Variants in EIF4G3 observed in about 807,000 individuals in gnomAD.
EIF4G3 encodes the protein eIF-4-gamma 3.
A neutral mutation model predicts 186.4 loss-of-function variants in EIF4G3; 34 were observed. That is an observed-to-expected ratio of 0.18 (90% CI 0.14 to 0.24). EIF4G3 has a LOEUF of 0.24. EIF4G3 is among the 10% of genes least tolerant of loss of function. EIF4G3 has a pLI of 1.00. For missense variants in EIF4G3, 1,536 were observed against 1,948.5 expected (o/e 0.79, Z 3.99); for synonymous variants, 673 against 679.5 (o/e 0.99, Z 0.15).
At position 20,862,245 on chromosome 1, in the gene EIF4G3, C is replaced by T. The variant is rs767619921; in HGVS notation, c.3094G>A (p.Val1032Ile). The change falls in exon 23 of 37, where the codon GTT becomes ATT. Residue 1032 changes from valine to isoleucine, a missense_variant. Physicochemically the swap from Val to Ile is conservative, Grantham distance 29. Transcript: ENST00000602326. ...SSRIRFMLQD[V>I]IDLRLCNWVS... Reference sequence around the variant, plus strand: ...CCACTCACCAGCCTTAGGTCTATAACATCTTGAAGCATGAACCGAATCCTA... The same window carrying T: ...CCACTCACCAGCCTTAGGTCTATAATATCTTGAAGCATGAACCGAATCCTA... 7.5e-6 allele frequency: 12 copies of T among 1,603,310 alleles called. No homozygotes were observed. Among genetic ancestry groups the T allele is most frequent in the Non-Finnish European group, 1.0e-5 (12 of 1,173,590 alleles).
At chr1:21,138,233 G>A (rs2097280502) in intron 2 of EIF4G3, among the ~76,000 whole-genome samples, 1 of 152,152 alleles carries the variant, frequency 6.6e-6, no homozygotes, top group African/African-American at 2.4e-5. Flanking sequence ...TAAATGACCT[G>A]TCCATCCATA....
rs571859924 is a variant in EIF4G3, at chr1:21,050,588, T to C, written c.-67+278A>G. On this transcript the variant is annotated intron_variant, in intron 4 of 36. Transcript: ENST00000602326. ...GCAAATCAGTGCTTTGTGGGGGGGT[T>C]TTCCAGTAAACTTTAGAATAAAACT... is the stretch of plus-strand genomic sequence containing the variant. Among the ~76,000 whole-genome samples the C allele has an allele frequency of 1.3e-4, 20 of 152,252 alleles. No homozygotes were observed. The South Asian group carries it at 4.1e-3, about 32-fold the overall frequency.
At chr1:20,872,753 C>T (rs1273954619) in intron 20 of EIF4G3, among the ~76,000 whole-genome samples, 10 of 131,898 alleles carry the variant, frequency 7.6e-5, no homozygotes, top group Non-Finnish European at 3.1e-5. Flanking sequence ...GAGCCTCACT[C>T]TGTCGGCCAG....
chr1:21,015,117 GA>G, intron 4 of EIF4G3, among the ~76,000 whole-genome samples: 1 of 151,512 alleles, frequency 6.6e-6, no homozygotes, highest in Non-Finnish European at 1.5e-5. Flanking sequence ...TTCTGGAGCT[GA>G]AAAAATAACT....
In EIF4G3 at chr1:21,008,094, T is replaced by C. The variant is rs1005094105; in HGVS notation, c.-66-5286A>G. On this transcript the variant is annotated intron_variant, in intron 4 of 36. Coordinates refer to ENST00000602326, the MANE Select transcript of EIF4G3 (RefSeq NM_001391906.1). ...GACCCCAGGCTGTAGTGAGCTGTAA[T>C]TGTGCCACTGTACTTCAGCCTGGGC... Among the ~76,000 whole-genome samples, 59 of 152,254 alleles carry C rather than the reference T, an allele frequency of 3.9e-4. 1 individual carries two copies. The highest frequency in any genetic ancestry group is 1.4e-3 in the African/African-American group (59 of 41,550).
intron 15 of EIF4G3, 24 bp from the exon 16 acceptor site, chr1:20,899,967 G>A (rs2089726926): frequency 6.3e-7 from 1 of 1,589,420 alleles, no homozygotes; most frequent in South Asian, 1.2e-5. Flanking sequence ...GAACAAAGAG[G>A]TTACATTTTT....
At chr1:21,041,989 CTTTT>C (rs762068508) in intron 4 of EIF4G3, among the ~76,000 whole-genome samples, 2 of 142,068 alleles carry the variant, frequency 1.4e-5, no homozygotes. Context: ...CTTTTCTTTT[CTTTT>C]TTTTTTTTTT....
chr1:21,087,855 G>A (rs957070078), intron 3 of EIF4G3, among the ~76,000 whole-genome samples: 4 of 151,878 alleles, frequency 2.6e-5, no homozygotes, highest in African/African-American at 7.3e-5. Flanking sequence ...GGATGGTCTC[G>A]ATCTCCTGAC....
intron 3 of EIF4G3, among the ~76,000 whole-genome samples, chr1:21,084,286 C>T (rs1403921000): frequency 6.6e-6 from 1 of 150,848 alleles, no homozygotes; most frequent in African/African-American, 2.4e-5. Flanking sequence ...CACAGTTCCA[C>T]GTGGCTGGGG....
intron 30 of EIF4G3, among the ~76,000 whole-genome samples, chr1:20,831,118 C>T (rs1225693265): frequency 1.3e-5 from 2 of 151,814 alleles, no homozygotes; most frequent in Admixed American, 1.3e-4. Flanking sequence ...AGGAAAAAAC[C>T]ACAGCCACTG....
chr1:21,172,166 T>C (rs2097992473), intron 2 of EIF4G3, among the ~76,000 whole-genome samples: 1 of 149,232 alleles, frequency 6.7e-6, no homozygotes, highest in South Asian at 2.1e-4. Context: ...AATCCATTTA[T>C]TAAAATTCTA....
intron 32 of EIF4G3, among the ~76,000 whole-genome samples, chr1:20,826,489 T>C (rs1294894619): frequency 7.6e-6 from 1 of 131,598 alleles, no homozygotes; most frequent in African/African-American, 2.8e-5. Context: ...TTCTTTTTTT[T>C]TTTTTTTTTT....
rs535519673 is a variant in EIF4G3 at position 21,112,271 on chromosome 1, G to A, written c.-271-23058C>T. Reference sequence around the variant, plus strand: ...CTGGAAAAACTTTTCCTCACTACCTGTATTTGTAAATTCACAACCAGTAAG... The same window carrying A: ...CTGGAAAAACTTTTCCTCACTACCTATATTTGTAAATTCACAACCAGTAAG... On this transcript the variant is annotated intron_variant, in intron 2 of 36. Coordinates refer to ENST00000602326, the MANE Select transcript of EIF4G3 (RefSeq NM_001391906.1). 2.6e-5 allele frequency among the ~76,000 whole-genome samples: 4 copies of A among 152,196 alleles called. No individual in the cohort carries two copies. In the East Asian group the frequency reaches 7.7e-4, roughly 29 times the overall value.
At chr1:20,973,175 C>T in intron 10 of EIF4G3, 76 bp from the exon 11 acceptor site, 1 of 1,068,136 alleles carries the variant, frequency 9.4e-7, no homozygotes, top group Non-Finnish European at 1.4e-6. Context: ...GACACTGTGT[C>T]TCTGCACAAT....
At chr1:20,857,162 C>CAA (rs577290987) in intron 25 of EIF4G3, among the ~76,000 whole-genome samples, 9 of 47,362 alleles carry the variant, frequency 1.9e-4, no homozygotes, top group African/African-American at 4.2e-4. Flanking sequence ...GACTCCATCT[C>CAA]AAAAAAAAAA....
intron 12 of EIF4G3, among the ~76,000 whole-genome samples, chr1:20,963,008 T>C (rs36003046): frequency 0.02 from 3,080 of 151,828 alleles, 60 homozygotes; most frequent in Non-Finnish European, 0.026. Context: ...CACCTCAGTT[T>C]TCCAAAGTGC....
At chr1:21,059,682 T>C (rs2094782837) in intron 3 of EIF4G3, among the ~76,000 whole-genome samples, 1 of 152,192 alleles carries the variant, frequency 6.6e-6, no homozygotes, top group African/African-American at 2.4e-5. Context: ...AAAATAATTT[T>C]ATATGATTCA....
chr1:20,980,529 C>A (rs1467133507), intron 9 of EIF4G3, 81 bp from the exon 10 acceptor site: 18 of 960,000 alleles, frequency 1.9e-5, no homozygotes, highest in Non-Finnish European at 2.4e-5. Context: ...AAGAAAGTAG[C>A]TTACTACAGA....
In EIF4G3 at chr1:21,018,328, T is replaced by C. The variant is rs576860874; in HGVS notation, c.-66-15520A>G. Among the ~76,000 whole-genome samples the C allele has an allele frequency of 5.9e-5, 9 of 152,212 alleles. No homozygotes were observed. In the South Asian group the frequency reaches 1.9e-3, roughly 32 times the overall value. ...CGGGCACAGTGGCTCATGCTTGTAA[T>C]CCTAGCCCTTTGGGAGGCCGAGGCG... On this transcript the variant is annotated intron_variant, in intron 4 of 36. Transcript: ENST00000602326.
Sources: gnomAD v4.1 joint callset for allele counts (sites outside exome capture counted in the v4.1 genomes callset) on GRCh38, gnomAD v4.1.1 for gene constraint, MANE v1.5 for transcripts, NCBI Gene and HGNC (gene_info 2026-07-23, HGNC 2026-07-21) for gene names.